The following IL1RAPL1 variants were observed in gnomAD, a reference collection of about 807,000 sequenced individuals.
The protein encoded by IL1RAPL1 is interleukin-1 receptor accessory protein-like 1.
Under a neutral mutation model 48.4 loss-of-function variants are expected in IL1RAPL1, and 3 were observed. That is an observed-to-expected ratio of 0.06 (90% CI 0.03 to 0.16). The LOEUF (loss-of-function observed/expected upper bound fraction) is 0.16. Among genes scored for constraint, IL1RAPL1 ranks in the 10% least tolerant of loss-of-function variants. The pLI, the probability that IL1RAPL1 is intolerant of heterozygous loss-of-function variation, is 1.00. For missense variants in IL1RAPL1, 349 were observed against 530.6 expected (o/e 0.66, Z 3.36); for synonymous variants, 185 against 187.7 (o/e 0.99, Z 0.12).
intron 5 of IL1RAPL1, among the ~76,000 whole-genome samples, chrX:29,448,094 T>G (rs1453610053): frequency 1.8e-5 from 2 of 112,064 alleles, no homozygotes; most frequent in East Asian, 2.8e-4. Context: ...GGAATAACAT[T>G]ACGTCATAGG....
intron 1 of IL1RAPL1, among the ~76,000 whole-genome samples, chrX:28,735,884 T>C (rs1177220165): frequency 8.9e-6 from 1 of 111,871 alleles, no homozygotes; most frequent in Non-Finnish European, 1.9e-5. Context: ...CATTTTTTAG[T>C]ATTAATGATT....
chrX:29,753,990 A>G (rs1219811740), intron 6 of IL1RAPL1, among the ~76,000 whole-genome samples: 1 of 111,554 alleles, frequency 9.0e-6, no homozygotes, highest in African/African-American at 3.3e-5. Flanking sequence ...CTGTTCTTCA[A>G]CTTTTTCTCT....
chrX:28,998,422 C>T (rs892930246), intron 2 of IL1RAPL1, among the ~76,000 whole-genome samples: 18 of 111,850 alleles, frequency 1.6e-4, no homozygotes, highest in African/African-American at 5.8e-4. Context: ...TCTCTCTCAA[C>T]ATATTAATGG....
At chrX:29,337,612 AT>A (rs997969975) in intron 3 of IL1RAPL1, among the ~76,000 whole-genome samples, 1 of 111,434 alleles carries the variant, frequency 9.0e-6, no homozygotes, top group Non-Finnish European at 1.9e-5. Context: ...GAATTACAAG[AT>A]TTTTTTTCTG....
rs771241529 is a variant in IL1RAPL1, at chrX:28,911,629, G to A, written c.82+122204G>A. Among the ~76,000 whole-genome samples, 7 of 110,992 alleles carry A rather than the reference G, an allele frequency of 6.3e-5. No individual in the cohort carries two copies. In the South Asian group the frequency reaches 1.1e-3, roughly 18 times the overall value. Reference sequence around the variant, plus strand: ...TCACATATAGAATTAAAGATTGGTCGTTTAATGGTGTTATCTGTCACTAAA... The same window carrying A: ...TCACATATAGAATTAAAGATTGGTCATTTAATGGTGTTATCTGTCACTAAA... On this transcript the variant is annotated intron_variant, in intron 2 of 10. Coordinates refer to ENST00000378993, the MANE Select transcript of IL1RAPL1 (RefSeq NM_014271.4).
At chrX:29,469,993 G>T (rs1432091792) in intron 5 of IL1RAPL1, among the ~76,000 whole-genome samples, 1 of 112,016 alleles carries the variant, frequency 8.9e-6, no homozygotes, top group Non-Finnish European at 1.9e-5. Context: ...AGAAAATCTT[G>T]TTGTTCAGTT....
intron 3 of IL1RAPL1, among the ~76,000 whole-genome samples, chrX:29,310,343 A>C (rs1932707037): frequency 9.1e-6 from 1 of 110,088 alleles, no homozygotes; most frequent in East Asian, 2.8e-4. Flanking sequence ...AGTTGGTAGA[A>C]TAAGCAGAAA....
chrX:29,916,657 C>T lies in IL1RAPL1; in HGVS notation c.779-807C>T, dbSNP rs73456475. Among the ~76,000 whole-genome samples the T allele has an allele frequency of 9.3e-3, 1,035 of 111,816 alleles. 13 individuals carry two copies. The highest frequency in any genetic ancestry group is 0.032 in the African/African-American group (981 of 30,778). ...TAATGCTGACTGAAGCTTGAGTAAA[C>T]CAGGTGCTTGTAAAGTGGCATGAAA... On this transcript the variant is annotated intron_variant, in intron 6 of 10. Coordinates refer to ENST00000378993, the MANE Select transcript of IL1RAPL1 (RefSeq NM_014271.4).
intron 3 of IL1RAPL1, among the ~76,000 whole-genome samples, chrX:29,298,838 T>A (rs1932489236): frequency 9.0e-6 from 1 of 111,536 alleles, no homozygotes; most frequent in African/African-American, 3.3e-5. Flanking sequence ...TCAAGATGCA[T>A]TTGATAAAAC....
At chrX:29,688,613 A>G (rs773450170) in intron 6 of IL1RAPL1, among the ~76,000 whole-genome samples, 2 of 111,559 alleles carry the variant, frequency 1.8e-5, no homozygotes, top group East Asian at 5.6e-4. Context: ...AACCCACTAT[A>G]GTATCTGTCA....
chrX:29,520,695 C>T (rs963967370), intron 5 of IL1RAPL1, among the ~76,000 whole-genome samples: 2 of 111,384 alleles, frequency 1.8e-5, no homozygotes, highest in African/African-American at 6.5e-5. Context: ...TTCTTGCTCC[C>T]AAATAACAAA....
intron 6 of IL1RAPL1, among the ~76,000 whole-genome samples, chrX:29,847,233 T>G (rs892848389): frequency 8.0e-5 from 9 of 111,938 alleles, no homozygotes; most frequent in Non-Finnish European, 1.5e-4. Flanking sequence ...TGAAATATGC[T>G]TATAGAAAAC....
At chrX:29,527,157 T>C (rs995135905) in intron 5 of IL1RAPL1, among the ~76,000 whole-genome samples, 2 of 109,913 alleles carry the variant, frequency 1.8e-5, no homozygotes, top group Admixed American at 1.9e-4. Flanking sequence ...AAAGTTGAAC[T>C]TAATAATAAA....
chrX:29,189,253 A>G, intron 2 of IL1RAPL1, among the ~76,000 whole-genome samples: 1 of 112,143 alleles, frequency 8.9e-6, no homozygotes, highest in Non-Finnish European at 1.9e-5. Context: ...TAAGTGTTAT[A>G]AGCTCTGAAT....
intron 5 of IL1RAPL1, among the ~76,000 whole-genome samples, chrX:29,515,883 G>C (rs1180333356): frequency 9.0e-6 from 1 of 111,027 alleles, no homozygotes; most frequent in African/African-American, 3.3e-5. Context: ...ATAGGGTTTC[G>C]CCATGTTGCC....
rs1555960770 is a variant in IL1RAPL1 at position 29,081,029 on chromosome X, CTTT to C, written c.83-201907_83-201905del. On this transcript the variant is annotated intron_variant, in intron 2 of 10. Transcript: ENST00000378993. ...CTCTCTCTCTCTCTCTCTTTCTTTT[CTTT>C]TCTTTTCTTTTCTTTTCTTTTCTTT... Among the ~76,000 whole-genome samples the C allele has an allele frequency of 4.5e-3, 188 of 41,467 alleles. 4 individuals carry two copies. The highest frequency in any genetic ancestry group is 6.3e-3 in the East Asian group (9 of 1,431). The allele number at this position is 41,467 out of a possible 115,157, so 36.0% of individuals were successfully genotyped here. A position where few individuals can be genotyped will look rare whatever the true frequency, so the allele number is the denominator to read the frequency against.
chrX:29,502,563 T>G (rs1405444042), intron 5 of IL1RAPL1, among the ~76,000 whole-genome samples: 1 of 111,899 alleles, frequency 8.9e-6, no homozygotes, highest in Non-Finnish European at 1.9e-5. Flanking sequence ...TTTTTCAGTA[T>G]CTATTGAAAT....
chrX:29,714,271 G>A (rs773661380), intron 6 of IL1RAPL1, among the ~76,000 whole-genome samples: 15 of 111,575 alleles, frequency 1.3e-4, no homozygotes, highest in African/African-American at 2.9e-4. Flanking sequence ...GGTTGTGCAC[G>A]ATTTACAAAT....
At chrX:29,240,197 T>C (rs200437156) in intron 2 of IL1RAPL1, among the ~76,000 whole-genome samples, 2,037 of 22,817 alleles carry the variant, frequency 0.089, 63 homozygotes, top group East Asian at 0.27. Context: ...CACACACACA[T>C]ATATATATAT....
Sources: allele counts gnomAD v4.1 joint callset (sites outside exome capture counted in the v4.1 genomes callset), GRCh38; gene constraint gnomAD v4.1.1; transcripts MANE v1.5; gene names NCBI Gene and HGNC (gene_info 2026-07-23, HGNC 2026-07-21).